Variants in THEMIS observed in about 807,000 individuals in gnomAD.
THEMIS encodes protein THEMIS.
In THEMIS, 37 loss-of-function variants were observed where a neutral mutation model predicts 52.6. The ratio of observed to expected loss-of-function variants is 0.70; its 90% confidence interval spans 0.54 to 0.93. The LOEUF (loss-of-function observed/expected upper bound fraction) is 0.93. Among genes scored for constraint, THEMIS ranks in the 40% least tolerant of loss-of-function variants. The pLI is 0.00. For missense variants in THEMIS, 808 were observed against 763.1 expected (o/e 1.06, Z -0.69); for synonymous variants, 292 against 272.7 (o/e 1.07, Z -0.70).
At chr6:127,765,803 A>G (rs1776177654) in intron 4 of THEMIS, among the ~76,000 whole-genome samples, 1 of 152,120 alleles carries the variant, frequency 6.6e-6, no homozygotes, top group African/African-American at 2.4e-5. Flanking sequence ...GATGTGTAGT[A>G]GGCTATACCA....
chr6:127,779,882 A>G (rs1345722401), intron 4 of THEMIS, among the ~76,000 whole-genome samples: 1 of 152,222 alleles, frequency 6.6e-6, no homozygotes, highest in East Asian at 1.9e-4. Flanking sequence ...TCTGTTTCAT[A>G]AAGAACAGCT....
intron 3 of THEMIS, among the ~76,000 whole-genome samples, chr6:127,820,628 G>A (rs1011394281): frequency 6.6e-6 from 1 of 151,962 alleles, no homozygotes; most frequent in Admixed American, 6.6e-5. Flanking sequence ...TAACTCAATG[G>A]GAGAAGAGAT....
chr6:127,733,600 C>T lies in THEMIS; in HGVS notation c.1759-13777G>A, dbSNP rs571637069. The stretch of plus-strand genomic sequence containing the variant: ...ACTTTGAGTTAACAATGATTATAAA[C>T]AGGTACCAGCTTTACGAGAAAGAAA... On this transcript the variant is annotated intron_variant, in intron 4 of 5. Transcript: ENST00000368248. 3.8e-4 allele frequency among the ~76,000 whole-genome samples: 58 copies of T among 152,286 alleles called. 1 individual carries two copies. Among genetic ancestry groups the T allele is most frequent in the African/African-American group, 1.3e-3 (52 of 41,556 alleles).
intron 1 of THEMIS, among the ~76,000 whole-genome samples, chr6:127,871,253 A>T (rs879653850): frequency 3.9e-5 from 6 of 152,068 alleles, no homozygotes; most frequent in Non-Finnish European, 8.8e-5. Context: ...AAGAAAAAAA[A>T]TTTTATATAT....
chr6:127,871,441 C>G (rs777422927), intron 1 of THEMIS, among the ~76,000 whole-genome samples: 200 of 151,554 alleles, frequency 1.3e-3, no homozygotes, highest in Non-Finnish European at 2.2e-3. Context: ...GAGCAATAGC[C>G]TCAAATCAGT....
intron 1 of THEMIS, among the ~76,000 whole-genome samples, chr6:127,896,869 C>T (rs1368201130): frequency 3.3e-5 from 5 of 151,346 alleles, no homozygotes; most frequent in African/African-American, 7.3e-5. Flanking sequence ...AGAACCATGG[C>T]TCTGTAGCAT....
In THEMIS at chr6:127,911,289, G is replaced by A. The variant is rs1396603709; in HGVS notation, c.-150+7139C>T. 4.0e-5 allele frequency among the ~76,000 whole-genome samples: 6 copies of A among 151,184 alleles called. No individual in the cohort carries two copies. In the East Asian group the frequency reaches 5.8e-4, roughly 15 times the overall value. On this transcript the variant is annotated intron_variant, in intron 1 of 6. Transcript: ENST00000368250. Reference sequence around the variant, plus strand: ...GAACTTACACTGTAGCTCCTTGAGGGAGGAATATCTACGTAAATAATTTGG... The same window carrying A: ...GAACTTACACTGTAGCTCCTTGAGGAAGGAATATCTACGTAAATAATTTGG...
chr6:127,703,776 A>G (rs564760232), downstream of THEMIS, among the ~76,000 whole-genome samples: 8 of 152,350 alleles, frequency 5.3e-5, no homozygotes, highest in Non-Finnish European at 8.8e-5. Flanking sequence ...AAGCTAGGAT[A>G]TCTCCTCAGA....
chr6:127,903,103 G>C (rs964246024), upstream of THEMIS, among the ~76,000 whole-genome samples: 1 of 152,018 alleles, frequency 6.6e-6, no homozygotes, highest in African/African-American at 2.4e-5. Context: ...AAGCCGGAAG[G>C]CTTAGAATCA....
At chr6:127,902,161 C>T (rs1245330240), upstream of THEMIS, among the ~76,000 whole-genome samples, 1 of 150,830 alleles carries the variant, frequency 6.6e-6, no homozygotes, top group African/African-American at 2.4e-5. Flanking sequence ...TTTGTCTCTA[C>T]AAAAAAATTA....
At chr6:127,699,725 T>C in the THEMIS span, among the ~76,000 whole-genome samples, 51 of 149,160 alleles carry the variant, frequency 3.4e-4, no homozygotes, top group Non-Finnish European at 6.0e-4. Context: ...TAAATATCTA[T>C]TTGGGGAAAA....
rs191455632 is a variant in THEMIS, at chr6:127,853,524, T to C, written c.250+1506A>G. On this transcript the variant is annotated intron_variant, in intron 2 of 5. Coordinates refer to ENST00000368248, the MANE Select transcript of THEMIS (RefSeq NM_001010923.3). Reference sequence around the variant, plus strand: ...AAGATGAGTAAGAAAGAAATAGAATTGAACAATGTGGAAAGTTTCATTTGA... The same window carrying C: ...AAGATGAGTAAGAAAGAAATAGAATCGAACAATGTGGAAAGTTTCATTTGA... Among the ~76,000 whole-genome samples the C allele has an allele frequency of 7.9e-5, 12 of 151,704 alleles. 1 individual carries two copies. In the East Asian group the frequency reaches 2.3e-3, roughly 30 times the overall value.
At chr6:127,910,473 T>C (rs1781383608) in intron 1 of THEMIS, among the ~76,000 whole-genome samples, 1 of 152,190 alleles carries the variant, frequency 6.6e-6, no homozygotes, top group Non-Finnish European at 1.5e-5. Context: ...TGAATATTTT[T>C]ATCCATTCCC....
intron 1 of THEMIS, among the ~76,000 whole-genome samples, chr6:127,907,077 T>G (rs962151237): frequency 2.0e-5 from 3 of 151,896 alleles, no homozygotes; most frequent in African/African-American, 7.2e-5. Flanking sequence ...TCCAAGTAGA[T>G]AGTATCGGAA....
At chr6:127,699,548 A>G in the THEMIS span, among the ~76,000 whole-genome samples, 2 of 151,150 alleles carry the variant, frequency 1.3e-5, no homozygotes, top group African/African-American at 2.4e-5. Context: ...AAGTCTAAAA[A>G]GTGCCACCAT....
chr6:127,697,835 T>C, the THEMIS span, among the ~76,000 whole-genome samples: 4 of 152,168 alleles, frequency 2.6e-5, no homozygotes, highest in Non-Finnish European at 4.4e-5. Context: ...ATGTTTCTCC[T>C]TAAAAATTAT....
chr6:127,767,767 T>C (rs1776250372), intron 4 of THEMIS, among the ~76,000 whole-genome samples: 1 of 152,236 alleles, frequency 6.6e-6, no homozygotes, highest in Non-Finnish European at 1.5e-5. Flanking sequence ...GAGTTTTATA[T>C]ACATAATTAT....
rs371225921 is a variant in THEMIS, at chr6:127,718,780, G to C, written c.1894+908C>G. ...GAATTTCATTTTTCTCTCTCGGAGA[G>C]AGTCAATGAAAAGGTAATAAGAAAA... On this transcript the variant is annotated intron_variant, in intron 5 of 5. Transcript: ENST00000368248. Among the ~76,000 whole-genome samples, 3 of 151,884 alleles carry C rather than the reference G, an allele frequency of 2.0e-5. No individual in the cohort carries two copies. The South Asian group carries it at 6.2e-4, about 31-fold the overall frequency.
chr6:127,887,266 C>T (rs1780675005), intron 1 of THEMIS, among the ~76,000 whole-genome samples: 1 of 151,846 alleles, frequency 6.6e-6, no homozygotes. Context: ...TGCTAATAAG[C>T]ATAAGAAAAA....
Sources: allele counts gnomAD v4.1 joint callset (sites outside exome capture counted in the v4.1 genomes callset), GRCh38; gene constraint gnomAD v4.1.1; transcripts MANE v1.5; gene names NCBI Gene and HGNC (gene_info 2026-07-23, HGNC 2026-07-21).